The following CREB3L1 variants were observed in gnomAD, a reference collection of about 807,000 sequenced individuals.
CREB3L1 encodes the protein cyclic AMP-responsive element-binding protein 3-like protein 1.
CREB3L1 carries 33 observed loss-of-function variants against 54.5 expected under a neutral mutation model. The observed-to-expected ratio is 0.61, with a 90% CI of 0.46 to 0.81. The LOEUF (loss-of-function observed/expected upper bound fraction) is 0.81, where lower values mean the gene tolerates loss of function less well. CREB3L1 is among the 30% of genes least tolerant of loss of function. The pLI, the probability that CREB3L1 is intolerant of heterozygous loss-of-function variation, is 0.00. For synonymous variants in CREB3L1, 284 were observed against 286.4 expected, an observed-to-expected ratio of 0.99 and a Z score of 0.08; for missense variants, 656 against 673.3, an observed-to-expected ratio of 0.97 and a Z score of 0.29.
Position 46,318,489 on chromosome 11 carries a change from C to G in CREB3L1, c.1258+1002C>G, listed in dbSNP as rs141922553. ...AGAAAATGGGAGTGGCAATTTTGCA[C>G]TTACTGAGCCATGGCTGTGAGACAG... On this transcript the variant is annotated intron_variant, in intron 10 of 11. Transcript: ENST00000621158. 1.4e-3 allele frequency among the ~76,000 whole-genome samples: 220 copies of G among 152,320 alleles called. 2 individuals carry two copies. Among genetic ancestry groups the G allele is most frequent in the Middle Eastern group, 0.014 (4 of 294 alleles).
At chr11:46,288,788 G>T (rs1306756486) in intron 1 of CREB3L1, among the ~76,000 whole-genome samples, 1 of 152,182 alleles carries the variant, frequency 6.6e-6, no homozygotes, top group African/African-American at 2.4e-5. Flanking sequence ...CAGTGTTGTT[G>T]TGGGTGCTTA....
At chr11:46,285,982 G>C (rs1311993943) in intron 1 of CREB3L1, among the ~76,000 whole-genome samples, 1 of 152,182 alleles carries the variant, frequency 6.6e-6, no homozygotes, top group African/African-American at 2.4e-5. Flanking sequence ...CCCTCCACCT[G>C]GAATACCCTC....
At chr11:46,285,175 C>T (rs1010989394) in intron 1 of CREB3L1, among the ~76,000 whole-genome samples, 9 of 152,180 alleles carry the variant, frequency 5.9e-5, no homozygotes, top group East Asian at 1.9e-4. Context: ...TCATGTGCCT[C>T]GTGCGAGTCC....
intron 1 of CREB3L1, among the ~76,000 whole-genome samples, chr11:46,285,900 G>T (rs953082683): frequency 2.6e-5 from 4 of 152,238 alleles, no homozygotes; most frequent in Non-Finnish European, 5.9e-5. Context: ...GAGCCAGGAG[G>T]CGGGTTTCAG....
intron 1 of CREB3L1, among the ~76,000 whole-genome samples, chr11:46,279,095 T>G (rs544920158): frequency 3.9e-5 from 6 of 152,116 alleles, no homozygotes; most frequent in Non-Finnish European, 7.4e-5. Context: ...CCAGATGAAA[T>G]GTGGATTGTT....
At chr11:46,303,438 A>G (rs986604458) in intron 2 of CREB3L1, among the ~76,000 whole-genome samples, 2 of 152,018 alleles carry the variant, frequency 1.3e-5, no homozygotes, top group Non-Finnish European at 2.9e-5. Context: ...TGAGCCCAGG[A>G]GTTCAAGACC....
chr11:46,280,710 T>A (rs1403618120), intron 1 of CREB3L1, among the ~76,000 whole-genome samples: 1 of 152,108 alleles, frequency 6.6e-6, no homozygotes, highest in East Asian at 1.9e-4. Flanking sequence ...ACATAGCAAG[T>A]CACTTTCCTT....
At chr11:46,304,005 C>G (rs1939338885) in intron 2 of CREB3L1, among the ~76,000 whole-genome samples, 1 of 151,804 alleles carries the variant, frequency 6.6e-6, no homozygotes, top group Admixed American at 6.6e-5. Flanking sequence ...GACCCTGTCT[C>G]AAAAAGAAAA....
intron 1 of CREB3L1, among the ~76,000 whole-genome samples, chr11:46,297,391 T>C (rs1939228427): frequency 6.6e-6 from 1 of 152,124 alleles, no homozygotes; most frequent in Non-Finnish European, 1.5e-5. Context: ...GCCCTGTCCC[T>C]CCACCAGTAT....
chr11:46,307,789 T>A (rs1219143174), intron 2 of CREB3L1, 27 bp from the exon 3 acceptor site: 2 of 1,510,524 alleles, frequency 1.3e-6, no homozygotes, highest in Non-Finnish European at 1.8e-6. Context: ...TGCCCTAGAG[T>A]CCCCTGAGCC....
At chr11:46,301,165 G>A (rs1032015030) in intron 2 of CREB3L1, among the ~76,000 whole-genome samples, 11 of 148,420 alleles carry the variant, frequency 7.4e-5, no homozygotes, top group Admixed American at 2.0e-4. Context: ...GCGAAACTCC[G>A]TCTCAAAAAA....
At chr11:46,294,001 A>G (rs1218032609) in intron 1 of CREB3L1, among the ~76,000 whole-genome samples, 1 of 152,234 alleles carries the variant, frequency 6.6e-6, no homozygotes, top group Non-Finnish European at 1.5e-5. Flanking sequence ...TAGCGCCTGT[A>G]CAAGGCTGCA....
intron 1 of CREB3L1, among the ~76,000 whole-genome samples, chr11:46,293,827 A>G (rs1047004884): frequency 6.6e-6 from 1 of 152,126 alleles, no homozygotes; most frequent in South Asian, 2.1e-4. Flanking sequence ...ATGCGTGACC[A>G]TGTCTGTGTG....
chr11:46,295,337 G>A lies in CREB3L1; in HGVS notation c.103-4598G>A, dbSNP rs1488126228. The A allele has an allele frequency of 2.6e-5, 4 of 152,364 alleles. No individual in the cohort carries two copies. Among genetic ancestry groups the A allele is most frequent in the African/African-American group, 7.2e-5 (3 of 41,420 alleles). 9.4% of individuals were successfully genotyped at this position (152,364 alleles called of 1,614,324 possible). ...ACAGCCACCAAAGCGCCCCACGGTA[G>A]GACGATTCGAGATGGAGCTGCAAGG... On this transcript the variant is annotated intron_variant, in intron 1 of 11. Coordinates refer to ENST00000621158, the MANE Select transcript of CREB3L1 (RefSeq NM_052854.4). The surrounding 1 kb of genome is among the most constrained non-coding windows in gnomAD (Gnocchi z 4.6).
chr11:46,320,170 T>C, intron 10 of CREB3L1, 94 bp from the exon 11 acceptor site: 1 of 1,365,664 alleles, frequency 7.3e-7, no homozygotes, highest in South Asian at 1.5e-5. Context: ...GGGACTCAGA[T>C]CCAGGGCCTG....
intron 2 of CREB3L1, among the ~76,000 whole-genome samples, chr11:46,304,560 A>T (rs1939351141): frequency 6.6e-6 from 1 of 152,136 alleles, no homozygotes; most frequent in African/African-American, 2.4e-5. Flanking sequence ...ATAGTCTTTG[A>T]GATTCCCTAG....
At chr11:46,279,898 T>C in intron 1 of CREB3L1, among the ~76,000 whole-genome samples, 1 of 152,152 alleles carries the variant, frequency 6.6e-6, no homozygotes, top group Non-Finnish European at 1.5e-5. Flanking sequence ...CAGCCCTGCA[T>C]CCCCAGCTGC....
At position 46,320,526 on chromosome 11, in the gene CREB3L1, C is replaced by A. The variant is rs754577297; in HGVS notation, c.1521C>A (p.Asp507Glu). 7.0e-7 allele frequency: 1 copy of A among 1,424,724 alleles called. No individual in the cohort carries two copies. Among genetic ancestry groups the A allele is most frequent in the African/African-American group, 3.1e-5 (1 of 32,560 alleles). The allele number at this position is 1,424,724 out of a possible 1,614,324, so 88.3% of individuals were successfully genotyped here. Reference protein sequence around the residue: ...DFSHSKEWFHDRDLGPNTTIK... With the variant: ...DFSHSKEWFHERDLGPNTTIK... The stretch of plus-strand genomic sequence containing the variant: ...CCCACTCCAAGGAGTGGTTCCACGA[C>A]AGGTGGGGTGTGTGGCCCCTTTCCC... The change falls in exon 11 of 12, where the codon GAC (aspartate) becomes GAA (glutamate). Residue 507 changes from aspartate to glutamate, a missense_variant and splice_region_variant. Asp to Glu is a conservative substitution (Grantham distance 45, BLOSUM62 2). Around this residue, in one of 3 missense-constraint regions of CREB3L1, gnomAD observed 240 missense variants for 219.8 expected, o/e 1.09. Transcript: ENST00000621158.
chr11:46,312,959 C>G, intron 8 of CREB3L1, 40 bp downstream of exon 8: 1 of 1,466,970 alleles, frequency 6.8e-7, no homozygotes, highest in Non-Finnish European at 9.3e-7. Flanking sequence ...CCCCCTGCCC[C>G]TCTGCAACCC....
Sources: allele counts gnomAD v4.1 joint callset (sites outside exome capture counted in the v4.1 genomes callset), GRCh38; gene constraint gnomAD v4.1.1; regional missense constraint gnomAD v4.1.1; non-coding constraint Gnocchi (gnomAD v3.1); transcripts MANE v1.5; gene names NCBI Gene and HGNC (gene_info 2026-07-23, HGNC 2026-07-21).